PLPPR1: variants seen among roughly 807,000 people sequenced by gnomAD.
The protein encoded by PLPPR1 is phospholipid phosphatase-related protein type 1.
A neutral mutation model predicts 33.1 loss-of-function variants in PLPPR1; 10 were observed. That is an observed-to-expected ratio of 0.30 (90% confidence interval 0.19 to 0.51). The LOEUF is 0.51. PLPPR1 is among the 20% of genes least tolerant of loss of function. PLPPR1 has a pLI of 0.97. For synonymous variants in PLPPR1, 151 were observed against 151.0 expected (o/e 1.00, Z 0.00); for missense variants, 304 against 408.1 (o/e 0.74, Z 2.20).
intron 1 of PLPPR1, among the ~76,000 whole-genome samples, chr9:101,142,674 A>C (rs1831466321): frequency 1.3e-5 from 2 of 151,708 alleles, no homozygotes. Flanking sequence ...CCTAAAACTC[A>C]CTCTCTTGAA....
intron 1 of PLPPR1, among the ~76,000 whole-genome samples, chr9:101,059,735 G>C (rs1418658417): frequency 6.6e-6 from 1 of 152,028 alleles, no homozygotes; most frequent in Non-Finnish European, 1.5e-5. Flanking sequence ...TCACTGATCA[G>C]CAAAGCAAAG....
chr9:101,280,870 G>A (rs1427758478), intron 3 of PLPPR1, among the ~76,000 whole-genome samples: 1 of 152,008 alleles, frequency 6.6e-6, no homozygotes. Context: ...ACATGATAAG[G>A]AAGCCCACTT....
chr9:101,101,629 G>A (rs191180440), intron 1 of PLPPR1, among the ~76,000 whole-genome samples: 1 of 152,052 alleles, frequency 6.6e-6, no homozygotes, highest in East Asian at 1.9e-4. Flanking sequence ...TGAATAAATG[G>A]AATAAAAGGA....
intron 4 of PLPPR1, among the ~76,000 whole-genome samples, chr9:101,295,290 G>T (rs536670787): frequency 0.047 from 7,089 of 151,460 alleles, 432 homozygotes; most frequent in African/African-American, 0.15. Flanking sequence ...CGCTGCTCAA[G>T]GAAATAAAAG....
At chr9:101,217,483 C>G (rs1325697318) in intron 2 of PLPPR1, among the ~76,000 whole-genome samples, 2 of 152,144 alleles carry the variant, frequency 1.3e-5, no homozygotes, top group Admixed American at 1.3e-4. Context: ...CTTAACATTC[C>G]CATTAATTGT....
rs148108390 is a variant in PLPPR1, at chr9:101,051,027, G to A, written c.-46+21925G>A. ...ACTTCCCGAAGATGATCCTTTCATA[G>A]TTTCATCTTGCCTCTATTACTTCTT... On this transcript the variant is annotated intron_variant, in intron 1 of 7. Coordinates refer to ENST00000374874, the MANE Select transcript of PLPPR1 (RefSeq NM_207299.2). Among the ~76,000 whole-genome samples the A allele has an allele frequency of 1.3e-3, 193 of 152,110 alleles. 1 individual carries two copies. Among genetic ancestry groups the A allele is most frequent in the African/African-American group, 4.5e-3 (186 of 41,482 alleles).
chr9:101,267,350 C>T (rs1828016928), intron 2 of PLPPR1, among the ~76,000 whole-genome samples: 1 of 152,154 alleles, frequency 6.6e-6, no homozygotes, highest in Non-Finnish European at 1.5e-5. Flanking sequence ...CATATTTATC[C>T]AAGTCTCTTC....
intron 1 of PLPPR1, among the ~76,000 whole-genome samples, chr9:101,048,926 C>G (rs543972621): frequency 6.6e-6 from 1 of 152,042 alleles, no homozygotes; most frequent in African/African-American, 2.4e-5. Context: ...AAAAAAAGAG[C>G]AAAGTGTATA....
At chr9:101,256,745 GT>G (rs555143063) in intron 2 of PLPPR1, among the ~76,000 whole-genome samples, 78 of 152,158 alleles carry the variant, frequency 5.1e-4, no homozygotes, top group African/African-American at 1.8e-3. Flanking sequence ...TTGTCTCTGA[GT>G]TCCTCAAAAT....
intron 2 of PLPPR1, among the ~76,000 whole-genome samples, chr9:101,259,558 G>A (rs1827859661): frequency 6.6e-6 from 1 of 152,170 alleles, no homozygotes; most frequent in African/African-American, 2.4e-5. Flanking sequence ...TTTGCAGGTA[G>A]CTACTGTGAA....
At chr9:101,177,890 T>C (rs1826041087) in intron 1 of PLPPR1, among the ~76,000 whole-genome samples, 1 of 152,236 alleles carries the variant, frequency 6.6e-6, no homozygotes, top group Admixed American at 6.5e-5. Flanking sequence ...CTTTCAAAAA[T>C]CTGGATTGGT....
chr9:101,101,283 C>G (rs189910914), intron 1 of PLPPR1, among the ~76,000 whole-genome samples: 2 of 152,028 alleles, frequency 1.3e-5, no homozygotes, highest in Non-Finnish European at 2.9e-5. Flanking sequence ...ATATTTCTCC[C>G]ATCAAAATAT....
chr9:101,284,761 A>C (rs1828362537), intron 3 of PLPPR1, among the ~76,000 whole-genome samples: 1 of 152,190 alleles, frequency 6.6e-6, no homozygotes. Flanking sequence ...TTATCCATCT[A>C]AACAGACATT....
intron 1 of PLPPR1, among the ~76,000 whole-genome samples, chr9:101,029,306 G>A (rs1311751663): frequency 6.6e-6 from 1 of 152,212 alleles, no homozygotes; most frequent in South Asian, 2.1e-4. Context: ...CGAGGTGTCA[G>A]ATTGACCCAG....
intron 1 of PLPPR1, among the ~76,000 whole-genome samples, chr9:101,071,600 G>A (rs1830482490): frequency 8.7e-6 from 1 of 114,382 alleles, no homozygotes; most frequent in South Asian, 2.8e-4. Flanking sequence ...CAATGGGAGT[G>A]AGAAGGAGAG....
intron 7 of PLPPR1, among the ~76,000 whole-genome samples, chr9:101,319,289 G>A (rs910738387): frequency 8.6e-5 from 13 of 151,382 alleles, no homozygotes; most frequent in South Asian, 6.2e-4. Flanking sequence ...CAATTCTCTC[G>A]CCTCAGCCTC....
intron 2 of PLPPR1, among the ~76,000 whole-genome samples, chr9:101,230,431 A>G (rs774997537): frequency 6.6e-6 from 1 of 152,128 alleles, no homozygotes; most frequent in Non-Finnish European, 1.5e-5. Context: ...CCTGGGATGC[A>G]ATAAAGTACA....
chr9:101,227,518 A>C (rs1827096624), intron 2 of PLPPR1, among the ~76,000 whole-genome samples: 1 of 152,052 alleles, frequency 6.6e-6, no homozygotes, highest in African/African-American at 2.4e-5. Context: ...TTGTAAATCC[A>C]TTTAAGTTCC....
chr9:101,309,573 T>A, intron 5 of PLPPR1, 112 bp downstream of exon 5: 2 of 1,220,032 alleles, frequency 1.6e-6, no homozygotes, highest in Admixed American at 2.2e-5. Context: ...AATTTATGTA[T>A]GGCATATTTC....
Sources: gnomAD v4.1 joint callset for allele counts (sites outside exome capture counted in the v4.1 genomes callset) on GRCh38, gnomAD v4.1.1 for gene constraint, MANE v1.5 for transcripts, NCBI Gene and HGNC (gene_info 2026-07-23, HGNC 2026-07-21) for gene names.